The following IMMP2L variants were observed in gnomAD, a reference collection of about 807,000 sequenced individuals.
IMMP2L encodes the protein inner mitochondrial membrane peptidase subunit 2, also known as mitochondrial inner membrane protease subunit 2.
In IMMP2L, 18 loss-of-function variants were observed where a neutral mutation model predicts 19.3. The observed-to-expected ratio is 0.93, with a 90% CI of 0.64 to 1.38. The LOEUF (loss-of-function observed/expected upper bound fraction) is 1.38. Among genes scored for constraint, IMMP2L ranks in the 40% most tolerant of loss-of-function variants. The pLI, the probability that IMMP2L is intolerant of heterozygous loss-of-function variation, is 0.00. For missense variants in IMMP2L, 233 were observed against 218.2 expected (o/e 1.07, Z -0.43); for synonymous variants, 76 against 73.0 (o/e 1.04, Z -0.21).
intron 3 of IMMP2L, among the ~76,000 whole-genome samples, chr7:111,372,146 A>T (rs2131114841): frequency 6.6e-6 from 1 of 152,114 alleles, no homozygotes; most frequent in East Asian, 1.9e-4. Context: ...ACAAAATATA[A>T]AATACAAAGG....
intron 3 of IMMP2L, among the ~76,000 whole-genome samples, chr7:111,220,576 TGATGGATGGATGGATG>T (rs34015257): frequency 3.5e-4 from 52 of 148,374 alleles, no homozygotes; most frequent in African/African-American, 7.9e-4. Flanking sequence ...CAGAGAAACA[TGATGGATGGATGGATG>T]GATGGATGGA....
chr7:110,910,874 G>A lies in IMMP2L; in HGVS notation c.306-24179C>T, dbSNP rs185375144. Reference sequence around the variant, plus strand: ...ACACATAATATTATGCCCAGCCATCGGGGAAGATATTGTTGATCTAGGAGA... The same window carrying A: ...ACACATAATATTATGCCCAGCCATCAGGGAAGATATTGTTGATCTAGGAGA... On this transcript the variant is annotated intron_variant, in intron 4 of 5. Transcript: ENST00000405709. Among the ~76,000 whole-genome samples, 294 of 152,148 alleles carry A rather than the reference G, an allele frequency of 1.9e-3. 2 individuals carry two copies. Among genetic ancestry groups the A allele is most frequent in the Non-Finnish European group, 4.1e-4 (28 of 68,000 alleles).
intron 3 of IMMP2L, among the ~76,000 whole-genome samples, chr7:111,199,397 C>G (rs992676379): frequency 6.6e-6 from 1 of 151,878 alleles, no homozygotes; most frequent in Non-Finnish European, 1.5e-5. Flanking sequence ...AAAATATGTA[C>G]GTGGAACATG....
rs1227013257 is a variant in IMMP2L at position 111,421,267 on chromosome 7, C to CTT, written c.239+65969_239+65970dup. Among the ~76,000 whole-genome samples, 578 of 122,864 alleles carry CTT rather than the reference C, an allele frequency of 4.7e-3. 21 individuals are homozygous for CTT. Among genetic ancestry groups the CTT allele is most frequent in the African/African-American group, 0.013 (403 of 31,458 alleles). The allele number at this position is 122,864 out of a possible 152,430, so 80.6% of individuals were successfully genotyped here. On this transcript the variant is annotated intron_variant, in intron 3 of 5. Coordinates refer to ENST00000405709, the MANE Select transcript of IMMP2L (RefSeq NM_032549.4). ...TTTTGATGGGGTTGTTTGTTTTTTT[C>CTT]TTTTTTTTTTTTTTTTTTTTGAGAC... is the stretch of plus-strand genomic sequence containing the variant.
chr7:111,231,811 C>T (rs555059931), intron 3 of IMMP2L, among the ~76,000 whole-genome samples: 2 of 151,948 alleles, frequency 1.3e-5, no homozygotes, highest in East Asian at 1.9e-4. Context: ...GTAGGCAATT[C>T]GAATATAACT....
intron 3 of IMMP2L, among the ~76,000 whole-genome samples, chr7:111,308,290 G>A (rs1823106436): frequency 6.6e-6 from 1 of 151,816 alleles, no homozygotes; most frequent in East Asian, 1.9e-4. Flanking sequence ...ATATATAAGG[G>A]TAAACAAATA....
chr7:111,307,603 A>G (rs1289760926), intron 3 of IMMP2L, among the ~76,000 whole-genome samples: 1 of 151,598 alleles, frequency 6.6e-6, no homozygotes, highest in Non-Finnish European at 1.5e-5. Context: ...ATATAATTAC[A>G]TACATTTTAT....
chr7:110,817,698 C>T (rs1415775374), intron 5 of IMMP2L, among the ~76,000 whole-genome samples: 1 of 152,116 alleles, frequency 6.6e-6, no homozygotes, highest in African/African-American at 2.4e-5. Context: ...CATCATGCTA[C>T]CTGACTTCAA....
chr7:111,561,468 A>C (rs2133210114), intron 1 of IMMP2L, among the ~76,000 whole-genome samples: 1 of 152,262 alleles, frequency 6.6e-6, no homozygotes, highest in African/African-American at 2.4e-5. Context: ...TCATTATCAA[A>C]CAGGACCTGG....
At chr7:110,845,932 G>C (rs929183361) in intron 5 of IMMP2L, among the ~76,000 whole-genome samples, 1 of 152,048 alleles carries the variant, frequency 6.6e-6, no homozygotes, top group Non-Finnish European at 1.5e-5. Context: ...TATAAACCAG[G>C]AAACAGGCCC....
intron 5 of IMMP2L, among the ~76,000 whole-genome samples, chr7:110,687,924 T>A (rs965410986): frequency 6.6e-6 from 1 of 151,960 alleles, no homozygotes; most frequent in Non-Finnish European, 1.5e-5. Flanking sequence ...CTGGGCATAA[T>A]ACTTAACTGG....
chr7:111,039,888 G>A lies in IMMP2L; in HGVS notation c.240-76323C>T, dbSNP rs571648503. ...ACCCAACTATAAAAGGGTCTGGACT[G>A]GGCAGGGTGGTTCACACCTGTAATC... On this transcript the variant is annotated intron_variant, in intron 3 of 5. Coordinates refer to ENST00000405709, the MANE Select transcript of IMMP2L (RefSeq NM_032549.4). Among the ~76,000 whole-genome samples, 5 of 152,252 alleles carry A rather than the reference G, an allele frequency of 3.3e-5. No individual in the cohort carries two copies. In the South Asian group the frequency reaches 1.0e-3, roughly 32 times the overall value.
At chr7:111,253,961 T>C (rs2129632830) in intron 3 of IMMP2L, among the ~76,000 whole-genome samples, 1 of 152,284 alleles carries the variant, frequency 6.6e-6, no homozygotes. Flanking sequence ...ACTATATAAA[T>C]GTGCTTTTTC....
intron 1 of IMMP2L, among the ~76,000 whole-genome samples, chr7:111,558,063 T>G (rs1334227228): frequency 1.3e-5 from 2 of 151,050 alleles, no homozygotes; most frequent in African/African-American, 4.9e-5. Flanking sequence ...AGAAAAAAAC[T>G]TATTATTGGA....
chr7:111,490,775 A>T (rs1003509163), intron 2 of IMMP2L, among the ~76,000 whole-genome samples: 2 of 152,154 alleles, frequency 1.3e-5, no homozygotes, highest in Admixed American at 1.3e-4. Context: ...ATTAAATAAT[A>T]ATAGCCAATA....
At chr7:111,532,520 C>T (rs920134873) in intron 1 of IMMP2L, 4 of 152,130 alleles carry the variant, frequency 2.6e-5, no homozygotes, top group Non-Finnish European at 4.4e-5. Flanking sequence ...ATACTTACAA[C>T]ATGGCTTTTC....
intron 3 of IMMP2L, among the ~76,000 whole-genome samples, chr7:111,042,896 T>C (rs568212547): frequency 3.2e-4 from 48 of 152,362 alleles, no homozygotes; most frequent in Middle Eastern, 3.4e-3. Flanking sequence ...GCAGAAATTA[T>C]GTCTTGTTCA....
intron 3 of IMMP2L, among the ~76,000 whole-genome samples, chr7:111,240,444 A>G (rs1382996144): frequency 6.6e-6 from 1 of 152,008 alleles, no homozygotes; most frequent in Non-Finnish European, 1.5e-5. Context: ...AAGGAAGAAC[A>G]GAAACTGCAG....
chr7:111,277,311 G>A (rs920617548), intron 3 of IMMP2L, among the ~76,000 whole-genome samples: 2 of 151,804 alleles, frequency 1.3e-5, no homozygotes, highest in South Asian at 4.2e-4. Context: ...TCCAAAAGAC[G>A]TACAAGCAGC....
Sources: allele counts gnomAD v4.1 joint callset (sites outside exome capture counted in the v4.1 genomes callset), GRCh38; gene constraint gnomAD v4.1.1; transcripts MANE v1.5; gene names NCBI Gene and HGNC (gene_info 2026-07-23, HGNC 2026-07-21).